The following CRACD variants were observed in gnomAD, a reference collection of about 807,000 sequenced individuals.
The protein encoded by CRACD is capping protein-inhibiting regulator of actin dynamics.
CRACD carries 56 observed loss-of-function variants against 106.8 expected under a neutral mutation model. That is an observed-to-expected ratio of 0.52 (90% CI 0.42 to 0.66). The LOEUF (loss-of-function observed/expected upper bound fraction) is 0.66, where lower values mean the gene tolerates loss of function less well. Among genes scored for constraint, CRACD ranks in the 30% least tolerant of loss-of-function variants. CRACD has a pLI of 0.00. For synonymous variants in CRACD, 754 were observed against 670.8 expected, an observed-to-expected ratio of 1.12 and a Z score of -1.92; for missense variants, 1,730 against 1,623.2, an observed-to-expected ratio of 1.07 and a Z score of -1.13.
At chr4:56,279,085 G>C (rs963853662) in intron 3 of CRACD, among the ~76,000 whole-genome samples, 13 of 151,884 alleles carry the variant, frequency 8.6e-5, no homozygotes, top group African/African-American at 3.2e-4. Flanking sequence ...GTTTAGTTCT[G>C]ATCCCATACC....
chr4:56,065,095 A>AT (rs373887557), intron 1 of CRACD, among the ~76,000 whole-genome samples: 27 of 148,986 alleles, frequency 1.8e-4, no homozygotes, highest in Admixed American at 4.0e-4. Context: ...AAATTTTTTT[A>AT]TTTTTTTTTT....
At chr4:56,160,518 T>G (rs28378225) in intron 1 of CRACD, among the ~76,000 whole-genome samples, 4 of 151,966 alleles carry the variant, frequency 2.6e-5, no homozygotes, top group Admixed American at 2.0e-4. Flanking sequence ...ATTTATAAAG[T>G]TTATATTAAT....
chr4:56,051,433 C>T (rs528621676), intron 1 of CRACD, among the ~76,000 whole-genome samples: 1 of 152,204 alleles, frequency 6.6e-6, no homozygotes, highest in South Asian at 2.1e-4. Context: ...TTTAAATCAT[C>T]TCCTGTAACT....
intron 1 of CRACD, among the ~76,000 whole-genome samples, chr4:56,174,502 AT>A (rs1736503787): frequency 6.6e-6 from 1 of 152,156 alleles, no homozygotes. Flanking sequence ...CATGAGATCA[AT>A]TTTTTAAATC....
intron 1 of CRACD, among the ~76,000 whole-genome samples, chr4:56,135,177 T>G (rs574956474): frequency 1.3e-4 from 20 of 152,196 alleles, no homozygotes; most frequent in Middle Eastern, 3.4e-3. Context: ...TCCCAGCTAC[T>G]CAGGAGGCTG....
At position 56,240,546 on chromosome 4, in the gene CRACD, G is replaced by A. The variant is rs138848929; in HGVS notation, c.-188-31775G>A. Among the ~76,000 whole-genome samples the A allele has an allele frequency of 1.3e-4, 20 of 152,162 alleles. No homozygotes were observed. In the East Asian group the frequency reaches 2.9e-3, roughly 22 times the overall value. On this transcript the variant is annotated intron_variant, in intron 2 of 10. Transcript: ENST00000682029. Reference sequence around the variant, plus strand: ...TAAATTCAAGGCCTCACTTTGTCACGCAGGCAACAGTGCAGTAGCGTGATC... The same window carrying A: ...TAAATTCAAGGCCTCACTTTGTCACACAGGCAACAGTGCAGTAGCGTGATC...
intron 1 of CRACD, among the ~76,000 whole-genome samples, chr4:56,105,402 G>A (rs1733918237): frequency 6.6e-6 from 1 of 152,178 alleles, no homozygotes; most frequent in Non-Finnish European, 1.5e-5. Flanking sequence ...GGGAGGTTGA[G>A]GTGGAAGGAT....
chr4:56,298,368 G>T lies in CRACD; in HGVS notation c.120+19G>T. The T allele has an allele frequency of 5.6e-6, 9 of 1,612,686 alleles. No individual in the cohort carries two copies. The highest frequency in any genetic ancestry group is 7.6e-6 in the Non-Finnish European group (9 of 1,179,396). On this transcript the variant is annotated intron_variant, in intron 4 of 10. Transcript: ENST00000682029. The stretch of plus-strand genomic sequence containing the variant: ...TCTTCAGGTAAGACAGCTTGAGAGT[G>T]GAATTACGAGCCATAGGAGGGGCCC...
chr4:56,067,817 C>T (rs1021646153), intron 1 of CRACD, among the ~76,000 whole-genome samples: 1 of 152,214 alleles, frequency 6.6e-6, no homozygotes, highest in Admixed American at 6.5e-5. Flanking sequence ...CTCAGATGAT[C>T]CACCTGCCTC....
intron 1 of CRACD, among the ~76,000 whole-genome samples, chr4:56,060,646 A>T (rs1321411110): frequency 1.3e-5 from 2 of 152,120 alleles, no homozygotes; most frequent in Admixed American, 6.5e-5. Flanking sequence ...GATGGAAAAG[A>T]CTAAAGGGTG....
At chr4:56,060,208 C>G (rs1419881168) in intron 1 of CRACD, among the ~76,000 whole-genome samples, 1 of 151,772 alleles carries the variant, frequency 6.6e-6, no homozygotes, top group Non-Finnish European at 1.5e-5. Flanking sequence ...GGTGCGTGTC[C>G]CCTGTTTCCT....
chr4:56,257,079 C>CTTTTTT (rs566765737), intron 2 of CRACD, among the ~76,000 whole-genome samples: 2 of 114,510 alleles, frequency 1.7e-5, no homozygotes, highest in African/African-American at 6.6e-5. Flanking sequence ...TTTTGATGTT[C>CTTTTTT]TTTTTTTTTT....
intron 1 of CRACD, among the ~76,000 whole-genome samples, chr4:56,099,485 C>G (rs888162939): frequency 6.6e-6 from 1 of 152,156 alleles, no homozygotes; most frequent in African/African-American, 2.4e-5. Flanking sequence ...TATCCTTCAG[C>G]CGCTCACACT....
At position 56,315,519 on chromosome 4, in the gene CRACD, T is replaced by G; in HGVS notation, c.2017T>G (p.Ser673Ala). 6.2e-7 allele frequency: 1 copy of G among 1,613,812 alleles called. No homozygotes were observed. The highest frequency in any genetic ancestry group is 8.5e-7 in the Non-Finnish European group (1 of 1,179,998). Residue 673 changes from serine (S) to alanine (A), a missense_variant, in exon 8 of 11, where the codon TCC (serine) becomes GCC (alanine). Transcript: ENST00000682029. This position sits in a 1 kb window ranked among gnomAD's most constrained non-coding sequence, Gnocchi z 4.1. ...ACTCGCAGAATGGGCTTCCATTCGG[T>G]CCAGAATCCTGAAGAACGCAGAGAG... ...SALAEWASIR[S>A]RILKNAESDP...
chr4:56,160,178 T>C, intron 1 of CRACD, among the ~76,000 whole-genome samples: 1 of 137,832 alleles, frequency 7.3e-6, no homozygotes, highest in East Asian at 2.0e-4. Context: ...GTCACTCCCA[T>C]ATTTTGATTT....
Position 56,314,935 on chromosome 4 carries a change from G to A in CRACD, c.1433G>A (p.Gly478Glu), listed in dbSNP as rs577341253. 26 of 1,600,086 alleles carry A rather than the reference G, an allele frequency of 1.6e-5. No homozygotes were observed. In the East Asian group the frequency reaches 5.2e-4, roughly 32 times the overall value. The change falls in exon 8 of 11, where the codon GGG (glycine) becomes GAG (glutamate). Residue 478 changes from glycine (G) to glutamate (E), a missense_variant. Physicochemically the swap from Gly to Glu is moderately conservative, Grantham distance 98 (BLOSUM62 -2). Transcript: ENST00000682029. This position sits in a 1 kb window ranked among gnomAD's most constrained non-coding sequence, Gnocchi z 4.4. Reference protein sequence around the residue: ...SGDFQGADRPGPEEKREEGDT... With the variant: ...SGDFQGADRPEPEEKREEGDT... ...GATTTCCAGGGGGCCGATCGTCCTGGGCCCGAGGAAAAGAGAGAAGAAGGG... is the reference window on the plus strand; with the variant it reads ...GATTTCCAGGGGGCCGATCGTCCTGAGCCCGAGGAAAAGAGAGAAGAAGGG...
chr4:56,139,345 CTT>C (rs1393575346), intron 1 of CRACD, among the ~76,000 whole-genome samples: 2 of 152,256 alleles, frequency 1.3e-5, no homozygotes, highest in East Asian at 3.9e-4. Context: ...TTCTCTCTCT[CTT>C]TCTTTCCCCT....
rs770651485 is a variant in CRACD at position 56,315,215 on chromosome 4, G to A, written c.1713G>A (p.Gln571=). The change falls in exon 8 of 11, where the codon CAG becomes CAA. Residue 571 remains glutamine (Q), a synonymous_variant. Coordinates refer to ENST00000682029, the MANE Select transcript of CRACD (RefSeq NM_001393381.1). The surrounding 1 kb of genome is among the most constrained non-coding windows in gnomAD (Gnocchi z 4.1). ...ACACGGGGCTCACCGCTGCTCCCCA[G>A]GAACCAAAGGCCCCCAAAGCCAGCC... The part of the protein sequence containing the change: ...AKDTGLTAAP[Q]EPKAPKASPV... The A allele has an allele frequency of 6.3e-7, 1 of 1,594,160 alleles. No individual in the cohort carries two copies. The highest frequency in any genetic ancestry group is 8.5e-7 in the Non-Finnish European group (1 of 1,170,378).
intron 2 of CRACD, among the ~76,000 whole-genome samples, chr4:56,238,226 T>C (rs1337228386): frequency 6.6e-6 from 1 of 152,230 alleles, no homozygotes; most frequent in African/African-American, 2.4e-5. Flanking sequence ...GCTGGAATCT[T>C]CTGAAGGCTC....
Sources: allele counts gnomAD v4.1 joint callset (sites outside exome capture counted in the v4.1 genomes callset), GRCh38; gene constraint gnomAD v4.1.1; non-coding constraint Gnocchi (gnomAD v3.1); transcripts MANE v1.5; gene names NCBI Gene and HGNC (gene_info 2026-07-23, HGNC 2026-07-21).